The following FER1L6 variants were observed in gnomAD, a reference collection of about 807,000 sequenced individuals.
FER1L6 encodes the protein fer-1-like protein 6.
In FER1L6, 177 loss-of-function variants were observed where a neutral mutation model predicts 219.2. That is an observed-to-expected ratio of 0.81 (90% CI 0.71 to 0.91). The LOEUF (loss-of-function observed/expected upper bound fraction) is 0.91. Among genes scored for constraint, FER1L6 ranks in the 40% least tolerant of loss-of-function variants. The pLI, the probability that FER1L6 is intolerant of heterozygous loss-of-function variation, is 0.00. For synonymous variants in FER1L6, 768 were observed against 824.3 expected, an observed-to-expected ratio of 0.93 and a Z score of 1.17; for missense variants, 2,153 against 2,259.9, an observed-to-expected ratio of 0.95 and a Z score of 0.96.
intron 1 of FER1L6, among the ~76,000 whole-genome samples, chr8:123,856,034 TGAGATATATGTATATACATATGTGTATGA>T (rs1816634370): frequency 2.8e-5 from 3 of 105,756 alleles, no homozygotes; most frequent in Non-Finnish European, 3.9e-5. Context: ...CATATGTATA[TGAGATATATGTATATACATATGTGTATGA>T]GATATATGTA....
At chr8:123,993,973 G>C (rs1334327295) in intron 12 of FER1L6, among the ~76,000 whole-genome samples, 1 of 152,228 alleles carries the variant, frequency 6.6e-6, no homozygotes, top group Non-Finnish European at 1.5e-5. Flanking sequence ...CATGTAGGCA[G>C]ACTTAGGACC....
chr8:123,998,549 G>T lies in FER1L6; in HGVS notation c.1520-4618G>T, dbSNP rs1817255564. ...CTGGGTCTCGCCTAAGGCCCATGAT[G>T]ACCACTGTCTGGCTACTGCCTGTGT... On this transcript the variant is annotated intron_variant, in intron 12 of 40. Coordinates refer to ENST00000522917, the MANE Select transcript of FER1L6 (RefSeq NM_001039112.2). Among the ~76,000 whole-genome samples, 4 of 152,110 alleles carry T rather than the reference G, an allele frequency of 2.6e-5. No individual in the cohort carries two copies. The South Asian group carries it at 8.3e-4, about 32-fold the overall frequency.
intron 28 of FER1L6, 37 bp from the exon 29 acceptor site, chr8:124,069,323 C>T (rs192677126): frequency 5.9e-5 from 86 of 1,460,724 alleles, no homozygotes; most frequent in Admixed American, 2.9e-4. Flanking sequence ...TCATCTCAAC[C>T]GCCATGAGAA....
intron 1 of FER1L6, among the ~76,000 whole-genome samples, chr8:123,875,309 G>T (rs1490937180): frequency 6.6e-6 from 1 of 152,174 alleles, no homozygotes; most frequent in East Asian, 1.9e-4. Context: ...GGTCACCAGT[G>T]ACTTCCATGC....
At chr8:124,070,819 GAGAC>G (rs1238553131) in intron 30 of FER1L6, among the ~76,000 whole-genome samples, 2 of 152,120 alleles carry the variant, frequency 1.3e-5, no homozygotes, top group Non-Finnish European at 2.9e-5. Context: ...GAAAAATAAG[GAGAC>G]AGAGTCATTA....
chr8:123,991,640 G>A (rs1816856307), intron 12 of FER1L6, among the ~76,000 whole-genome samples: 1 of 152,086 alleles, frequency 6.6e-6, no homozygotes, highest in Non-Finnish European at 1.5e-5. Context: ...TTAGCAAACT[G>A]CAATAGTTTG....
At chr8:124,072,266 A>C (rs905233730) in intron 31 of FER1L6, among the ~76,000 whole-genome samples, 30 of 152,168 alleles carry the variant, frequency 2.0e-4, no homozygotes, top group Non-Finnish European at 2.9e-5. Context: ...TGCAGTAGAA[A>C]ATTTCACTTT....
intron 1 of FER1L6, among the ~76,000 whole-genome samples, chr8:123,873,321 T>C (rs1283967032): frequency 1.3e-5 from 2 of 152,136 alleles, no homozygotes; most frequent in African/African-American, 2.4e-5. Flanking sequence ...CTGAAATCCA[T>C]CCATTGTGCT....
chr8:124,067,888 T>C, intron 28 of FER1L6, 82 bp downstream of exon 28: 2 of 1,129,924 alleles, frequency 1.8e-6, no homozygotes, highest in Non-Finnish European at 2.7e-6. Context: ...CCACGGGAGG[T>C]GTATTAGAGC....
At chr8:124,044,718 A>G (rs1159025602) in intron 20 of FER1L6, among the ~76,000 whole-genome samples, 1 of 152,256 alleles carries the variant, frequency 6.6e-6, no homozygotes, top group Non-Finnish European at 1.5e-5. Flanking sequence ...AGTCTCCTGC[A>G]TTAATGGAAT....
At chr8:123,891,196 G>A (rs773778144) in intron 1 of FER1L6, among the ~76,000 whole-genome samples, 4 of 152,200 alleles carry the variant, frequency 2.6e-5, no homozygotes, top group South Asian at 2.1e-4. Flanking sequence ...AGGTACAAGC[G>A]TGGCACTGGT....
chr8:124,074,325 G>A lies in FER1L6; in HGVS notation c.4093-1873G>A, dbSNP rs1053668631. Among the ~76,000 whole-genome samples the A allele has an allele frequency of 3.9e-5, 6 of 152,100 alleles. No individual in the cohort carries two copies. In the South Asian group the frequency reaches 1.0e-3, roughly 26 times the overall value. The stretch of plus-strand genomic sequence containing the variant: ...ACCATGATTTTACAGATAGATCTCA[G>A]AGAGATGACATGATTTGCCCAATAT... On this transcript the variant is annotated intron_variant, in intron 31 of 40. Coordinates refer to ENST00000522917, the MANE Select transcript of FER1L6 (RefSeq NM_001039112.2).
intron 14 of FER1L6, among the ~76,000 whole-genome samples, chr8:124,012,384 C>T (rs898381310): frequency 1.3e-5 from 2 of 152,218 alleles, no homozygotes; most frequent in Admixed American, 6.5e-5. Flanking sequence ...GATCGTTTAT[C>T]TCCAAGAGTC....
chr8:124,119,050 G>A, intron 40 of FER1L6, 106 bp downstream of exon 40: 2 of 917,454 alleles, frequency 2.2e-6, no homozygotes, highest in Admixed American at 2.4e-5. Flanking sequence ...TGGGAGAACT[G>A]GGAAGCCAGG....
chr8:123,940,898 G>A (rs373984813), intron 1 of FER1L6, among the ~76,000 whole-genome samples: 36 of 152,240 alleles, frequency 2.4e-4, no homozygotes, highest in African/African-American at 7.7e-4. Context: ...AAGAGGGGAA[G>A]GAAAGGCATG....
chr8:123,894,048 T>C (rs1812699925), intron 1 of FER1L6, among the ~76,000 whole-genome samples: 1 of 152,112 alleles, frequency 6.6e-6, no homozygotes, highest in Admixed American at 6.6e-5. Flanking sequence ...AAAAGGGGAA[T>C]TGAAGCCAAT....
At chr8:123,867,660 G>C (rs890429996) in intron 1 of FER1L6, among the ~76,000 whole-genome samples, 3 of 152,164 alleles carry the variant, frequency 2.0e-5, no homozygotes, top group African/African-American at 7.2e-5. Flanking sequence ...CCTGCAAAAT[G>C]CTCAGAATAG....
intron 22 of FER1L6, among the ~76,000 whole-genome samples, chr8:124,052,838 T>C (rs1820114450): frequency 6.6e-6 from 1 of 152,182 alleles, no homozygotes; most frequent in South Asian, 2.1e-4. Context: ...ACATTGCATA[T>C]TCCAATGACA....
rs371704620 is a variant in FER1L6 at position 124,101,231 on chromosome 8, C to T, written c.5018C>T (p.Thr1673Ile). Residue 1673 changes from threonine (T) to isoleucine (I), a missense_variant, in exon 38 of 41, where the codon ACC (threonine) becomes ATC (isoleucine). Physicochemically the swap from Thr to Ile is moderately conservative, Grantham distance 89. Transcript: ENST00000522917. ...YLPAEKQMVI[T>I]KRENIFSLEK... ...CCAGCTGAGAAGCAAATGGTCATTACCAAGAGGGAGAACATCTTCTCTTTA... is the reference window on the plus strand; with the variant it reads ...CCAGCTGAGAAGCAAATGGTCATTATCAAGAGGGAGAACATCTTCTCTTTA... 1.9e-6 allele frequency: 3 copies of T among 1,613,652 alleles called. No individual in the cohort carries two copies. Among genetic ancestry groups the T allele is most frequent in the African/African-American group, 2.7e-5 (2 of 74,808 alleles).
Sources: allele counts gnomAD v4.1 joint callset (sites outside exome capture counted in the v4.1 genomes callset), GRCh38; gene constraint gnomAD v4.1.1; transcripts MANE v1.5; gene names NCBI Gene and HGNC (gene_info 2026-07-23, HGNC 2026-07-21).